The following PPM1L variants were observed in gnomAD, a reference collection of about 807,000 sequenced individuals.
PPM1L encodes the protein protein phosphatase 1L.
In PPM1L, 13 loss-of-function variants were observed where a neutral mutation model predicts 31.4. The observed-to-expected ratio is 0.41, with a 90% CI of 0.27 to 0.66. PPM1L has a LOEUF of 0.66. Among genes scored for constraint, PPM1L ranks in the 30% least tolerant of loss-of-function variants. PPM1L has a pLI of 0.29. For synonymous variants in PPM1L, 184 were observed against 175.4 expected (o/e 1.05, Z -0.39); for missense variants, 326 against 453.7 (o/e 0.72, Z 2.56).
chr3:161,026,079 C>T (rs1238096577), intron 2 of PPM1L, among the ~76,000 whole-genome samples: 1 of 151,944 alleles, frequency 6.6e-6, no homozygotes, highest in Non-Finnish European at 1.5e-5. Context: ...AAGGGGAAGT[C>T]CAAAGAAGGA....
intron 2 of PPM1L, among the ~76,000 whole-genome samples, chr3:160,972,670 G>A (rs1226201501): frequency 6.6e-6 from 1 of 152,122 alleles, no homozygotes; most frequent in Non-Finnish European, 1.5e-5. Context: ...ACATGTGCAT[G>A]TGTCTTTATA....
In PPM1L at chr3:160,757,021, TAGTTTAGCA is replaced by T. The variant is rs748616293; in HGVS notation, c.399+317_399+325del. On this transcript the variant is annotated intron_variant, in intron 1 of 3. Transcript: ENST00000498165. Reference sequence around the variant, plus strand: ...GGCCGGAACCCAGAAAACACTGTGCTAGTTTAGCAAGGAGAATTAATGGTATCTCCAGTG... The same window carrying T: ...GGCCGGAACCCAGAAAACACTGTGCTAGGAGAATTAATGGTATCTCCAGTG... Among the ~76,000 whole-genome samples, 48 of 152,316 alleles carry T rather than the reference TAGTTTAGCA, an allele frequency of 3.2e-4. 1 individual carries two copies. Among genetic ancestry groups the T allele is most frequent in the Admixed American group, 5.9e-4 (9 of 15,306 alleles).
At chr3:160,818,284 C>T (rs933619791) in intron 1 of PPM1L, among the ~76,000 whole-genome samples, 1 of 151,894 alleles carries the variant, frequency 6.6e-6, no homozygotes, top group African/African-American at 2.4e-5. Flanking sequence ...TTGAAACCAG[C>T]GTAAACTTAA....
At chr3:161,067,998 A>G (rs1576627593) in intron 3 of PPM1L, among the ~76,000 whole-genome samples, 1 of 152,234 alleles carries the variant, frequency 6.6e-6, no homozygotes, top group African/African-American at 2.4e-5. Flanking sequence ...TTTTAAAGAA[A>G]GGTCTGGATC....
At chr3:160,975,782 A>T (rs1338040558) in intron 2 of PPM1L, among the ~76,000 whole-genome samples, 7 of 151,954 alleles carry the variant, frequency 4.6e-5, no homozygotes, top group Admixed American at 4.6e-4. Flanking sequence ...GGCTGAGACA[A>T]TGGGGTTTTC....
At chr3:160,900,836 G>C (rs1196719363) in intron 1 of PPM1L, among the ~76,000 whole-genome samples, 1 of 152,114 alleles carries the variant, frequency 6.6e-6, no homozygotes, top group East Asian at 1.9e-4. Context: ...GTAAATGGGT[G>C]AACAGTATGA....
rs1720047920 is a variant in PPM1L, at chr3:161,074,701, G to T, written c.*5544G>T. 6.6e-6 allele frequency: 1 copy of T among 152,020 alleles called. No individual in the cohort carries two copies. Among genetic ancestry groups the T allele is most frequent in the Non-Finnish European group, 1.5e-5 (1 of 68,008 alleles). 9.4% of individuals were successfully genotyped at this position (152,020 alleles called of 1,614,324 possible). On this transcript the variant is annotated 3_prime_UTR_variant, in exon 4 of 4. Coordinates refer to ENST00000498165, the MANE Select transcript of PPM1L (RefSeq NM_139245.4). ...TTGAACAGCAAACTGTTGAGGCTAGGGTTGATTATTGATAATTTTTATGTG... is the reference window on the plus strand; with the variant it reads ...TTGAACAGCAAACTGTTGAGGCTAGTGTTGATTATTGATAATTTTTATGTG...
At chr3:160,875,959 T>G (rs1196200151) in intron 1 of PPM1L, among the ~76,000 whole-genome samples, 1 of 152,200 alleles carries the variant, frequency 6.6e-6, no homozygotes, top group Non-Finnish European at 1.5e-5. Context: ...ACATTTTTCT[T>G]TCAGAATCAA....
intron 1 of PPM1L, among the ~76,000 whole-genome samples, chr3:160,770,145 T>C (rs1715212578): frequency 6.6e-6 from 1 of 151,982 alleles, no homozygotes. Context: ...ATTCTCTCTC[T>C]ACTTTCTTTT....
At chr3:160,926,544 C>A (rs77866336) in intron 1 of PPM1L, among the ~76,000 whole-genome samples, 6 of 152,202 alleles carry the variant, frequency 3.9e-5, no homozygotes, top group African/African-American at 7.2e-5. Flanking sequence ...AACCTCCCCC[C>A]CTTAATGCCT....
chr3:160,762,135 C>T (rs1714985250), intron 1 of PPM1L, among the ~76,000 whole-genome samples: 1 of 152,146 alleles, frequency 6.6e-6, no homozygotes, highest in Admixed American at 6.5e-5. Context: ...TTATGACTGG[C>T]ACAGTGAATG....
intron 1 of PPM1L, among the ~76,000 whole-genome samples, chr3:160,954,924 T>TTTCTTTCCTTCC (rs1382723720): frequency 1.2e-5 from 1 of 86,022 alleles, no homozygotes; most frequent in African/African-American, 3.9e-5. Flanking sequence ...TCCTTCCTTC[T>TTTCTTTCCTTCC]TTCCTTCCTT....
chr3:160,912,321 A>C (rs1023660815), intron 1 of PPM1L, among the ~76,000 whole-genome samples: 9 of 152,204 alleles, frequency 5.9e-5, no homozygotes, highest in East Asian at 1.9e-4. Flanking sequence ...TAGGTTAGGA[A>C]ATAATCTTTT....
At chr3:161,041,880 GAT>G (rs1718920436) in intron 2 of PPM1L, among the ~76,000 whole-genome samples, 1 of 152,094 alleles carries the variant, frequency 6.6e-6, no homozygotes, top group Non-Finnish European at 1.5e-5. Context: ...TCCATATTGA[GAT>G]TTGACATATA....
At chr3:161,047,960 G>A (rs1430342955) in intron 2 of PPM1L, among the ~76,000 whole-genome samples, 1 of 152,154 alleles carries the variant, frequency 6.6e-6, no homozygotes, top group Non-Finnish European at 1.5e-5. Context: ...AGACTTAAAT[G>A]TTAGACCTAA....
chr3:161,007,367 A>G (rs1717749185), intron 2 of PPM1L, among the ~76,000 whole-genome samples: 1 of 152,242 alleles, frequency 6.6e-6, no homozygotes, highest in Non-Finnish European at 1.5e-5. Flanking sequence ...ATCCAGGGAA[A>G]GTGTGTTTCA....
chr3:160,765,058 T>A (rs1399607830), intron 1 of PPM1L, among the ~76,000 whole-genome samples: 2 of 152,234 alleles, frequency 1.3e-5, no homozygotes, highest in African/African-American at 2.4e-5. Context: ...TTATTGAGTA[T>A]GTATAATATG....
intron 1 of PPM1L, among the ~76,000 whole-genome samples, chr3:160,882,926 T>C (rs1712775340): frequency 6.6e-6 from 1 of 152,208 alleles, no homozygotes; most frequent in Admixed American, 6.5e-5. Context: ...ATTTATCCCA[T>C]GTCCTCAGCT....
intron 1 of PPM1L, among the ~76,000 whole-genome samples, chr3:160,771,452 A>G (rs1399445247): frequency 6.7e-6 from 1 of 148,932 alleles, no homozygotes; most frequent in Non-Finnish European, 1.5e-5. Flanking sequence ...CATGTTGCCT[A>G]GGCTGGTCTT....
Sources: allele counts gnomAD v4.1 joint callset (sites outside exome capture counted in the v4.1 genomes callset), GRCh38; gene constraint gnomAD v4.1.1; transcripts MANE v1.5; gene names NCBI Gene and HGNC (gene_info 2026-07-23, HGNC 2026-07-21).